The following KCNN2 variants were observed in gnomAD, a reference collection of about 807,000 sequenced individuals.
KCNN2 encodes small conductance calcium-activated potassium channel protein 2.
A neutral mutation model predicts 55.5 loss-of-function variants in KCNN2; 24 were observed. That is an observed-to-expected ratio of 0.43 (90% CI 0.31 to 0.61). The LOEUF (loss-of-function observed/expected upper bound fraction) is 0.61. Ranked by LOEUF, KCNN2 falls within the 20% of genes least tolerant of loss-of-function variation. The probability of loss-of-function intolerance (pLI) is 0.08; values close to 1 mark genes in which losing one functional copy is unlikely to be tolerated. For missense variants in KCNN2, 754 were observed against 853.6 expected (o/e 0.88, Z 1.45); for synonymous variants, 431 against 336.1 (o/e 1.28, Z -3.09).
At chr5:114,191,316 CAT>C (rs2112563078) in intron 1 of KCNN2, among the ~76,000 whole-genome samples, 1 of 152,204 alleles carries the variant, frequency 6.6e-6, no homozygotes, top group Admixed American at 6.5e-5. Context: ...AGAGCATTCC[CAT>C]ATCTTATTTA....
intron 2 of KCNN2, among the ~76,000 whole-genome samples, chr5:114,380,571 A>G (rs1050151966): frequency 6.6e-6 from 1 of 152,226 alleles, no homozygotes; most frequent in African/African-American, 2.4e-5. Flanking sequence ...GGCCCATCTC[A>G]TGAGCTACTG....
At chr5:114,206,191 T>C (rs1402514114) in intron 1 of KCNN2, among the ~76,000 whole-genome samples, 1 of 152,220 alleles carries the variant, frequency 6.6e-6, no homozygotes, top group Non-Finnish European at 1.5e-5. Flanking sequence ...AATAGGAATA[T>C]TCTTTATATA....
upstream of KCNN2, among the ~76,000 whole-genome samples, chr5:114,358,742 C>T (rs890261945): frequency 6.6e-6 from 1 of 152,118 alleles, no homozygotes; most frequent in Non-Finnish European, 1.5e-5. Flanking sequence ...GTGCAAACTA[C>T]TATCCACGTG....
At chr5:114,080,696 A>G (rs1310384080) in intron 1 of KCNN2, among the ~76,000 whole-genome samples, 4 of 152,196 alleles carry the variant, frequency 2.6e-5, no homozygotes, top group Admixed American at 6.5e-5. Flanking sequence ...CATAATAAAA[A>G]CCATATCAGA....
At chr5:114,248,472 A>T (rs1754791392) in intron 2 of KCNN2, among the ~76,000 whole-genome samples, 1 of 152,198 alleles carries the variant, frequency 6.6e-6, no homozygotes. Context: ...AGCACAGAAC[A>T]TATCTGAAAG....
chr5:114,275,786 G>T (rs910531895), intron 2 of KCNN2, among the ~76,000 whole-genome samples: 4 of 151,968 alleles, frequency 2.6e-5, no homozygotes, highest in Non-Finnish European at 4.4e-5. Context: ...CCAGCTCCTG[G>T]ATTCATTGAT....
intron 2 of KCNN2, among the ~76,000 whole-genome samples, chr5:114,343,716 G>C (rs962990057): frequency 1.4e-4 from 22 of 151,960 alleles, no homozygotes; most frequent in African/African-American, 1.4e-4. Flanking sequence ...AACATGGTGT[G>C]GGGGGAACAG....
intron 1 of KCNN2, among the ~76,000 whole-genome samples, chr5:114,065,505 C>T (rs769585001): frequency 2.6e-5 from 4 of 152,140 alleles, no homozygotes; most frequent in African/African-American, 7.2e-5. Flanking sequence ...TGTAGGTGTG[C>T]CTTATTTTGA....
intron 1 of KCNN2, among the ~76,000 whole-genome samples, chr5:114,182,784 CTA>C (rs1430889052): frequency 6.6e-6 from 1 of 151,990 alleles, no homozygotes; most frequent in African/African-American, 2.4e-5. Flanking sequence ...ATAGATTTTT[CTA>C]TGTGAACAAT....
intron 1 of KCNN2, among the ~76,000 whole-genome samples, chr5:114,111,983 T>TCC (rs1349651945): frequency 3.9e-5 from 6 of 152,210 alleles, no homozygotes; most frequent in African/African-American, 7.2e-5. Context: ...ACTGGGTATA[T>TCC]ACCTAAAGGA....
chr5:114,062,355 A>T lies in KCNN2; in HGVS notation c.-271+5855A>T, dbSNP rs548906236. On this transcript the variant is annotated intron_variant, in intron 1 of 10. Transcript: ENST00000512097. The stretch of plus-strand genomic sequence containing the variant: ...AGGATGATTTTGGCTGTAGTGGTTC[A>T]GAAGTACTGAAAGAGCACCCTACCT... Among the ~76,000 whole-genome samples the T allele has an allele frequency of 3.3e-5, 5 of 152,354 alleles. No homozygotes were observed. The South Asian group carries it at 1.0e-3, about 32-fold the overall frequency.
intron 2 of KCNN2, among the ~76,000 whole-genome samples, chr5:114,232,216 G>C (rs1161167893): frequency 6.6e-6 from 1 of 150,840 alleles, no homozygotes; most frequent in Admixed American, 6.6e-5. Context: ...TCATTGAATA[G>C]AGGATTAATG....
At chr5:114,165,751 T>TAATAC (rs1231277331) in intron 1 of KCNN2, among the ~76,000 whole-genome samples, 2 of 152,188 alleles carry the variant, frequency 1.3e-5, no homozygotes, top group African/African-American at 4.8e-5. Context: ...TATAATAATA[T>TAATAC]AATACATGTA....
intron 1 of KCNN2, among the ~76,000 whole-genome samples, chr5:114,180,833 T>G (rs145887031): frequency 8.8e-4 from 134 of 152,302 alleles, no homozygotes; most frequent in African/African-American, 3.2e-3. Flanking sequence ...GATCTGATTT[T>G]GTCTTACTAT....
chr5:114,134,666 G>A (rs373399094), intron 1 of KCNN2, among the ~76,000 whole-genome samples: 2 of 151,896 alleles, frequency 1.3e-5, no homozygotes, highest in Admixed American at 6.6e-5. Flanking sequence ...TGGTAGAGAC[G>A]GAGTTTCACC....
At chr5:114,080,792 G>C (rs959337850) in intron 1 of KCNN2, among the ~76,000 whole-genome samples, 1 of 151,944 alleles carries the variant, frequency 6.6e-6, no homozygotes, top group African/African-American at 2.4e-5. Flanking sequence ...AACTTGTTTT[G>C]CCACTTCTAT....
intron 2 of KCNN2, among the ~76,000 whole-genome samples, chr5:114,261,129 GT>G (rs1383877172): frequency 3.3e-5 from 5 of 152,112 alleles, no homozygotes; most frequent in African/African-American, 1.2e-4. Context: ...AACATTTGAA[GT>G]GCCCACTCAA....
rs141581260 is a variant in KCNN2, at chr5:114,243,601, A to G, written c.-185+22036A>G. ...TATTTAAGTTAATAATGGCCCCAAA[A>G]TGCAAGAGTAGTGTTGCTGGCATAT... On this transcript the variant is annotated intron_variant, in intron 2 of 10. Transcript: ENST00000512097. Among the ~76,000 whole-genome samples the G allele has an allele frequency of 3.8e-3, 573 of 152,272 alleles. 1 individual carries two copies. Among genetic ancestry groups the G allele is most frequent in the Admixed American group, 8.6e-3 (132 of 15,290 alleles).
chr5:114,297,371 C>A (rs907387397), intron 2 of KCNN2, among the ~76,000 whole-genome samples: 4 of 151,806 alleles, frequency 2.6e-5, no homozygotes, highest in African/African-American at 9.7e-5. Flanking sequence ...AATATAAAAG[C>A]AAATCAAAGT....
Sources: gnomAD v4.1 joint callset for allele counts (sites outside exome capture counted in the v4.1 genomes callset) on GRCh38, gnomAD v4.1.1 for gene constraint, MANE v1.5 for transcripts, NCBI Gene and HGNC (gene_info 2026-07-23, HGNC 2026-07-21) for gene names.